The following TBC1D8 variants were observed in gnomAD, a reference collection of about 807,000 sequenced individuals.
TBC1D8 encodes the protein TBC1 domain family member 8.
Under a neutral mutation model 118.8 loss-of-function variants are expected in TBC1D8, and 65 were observed. That is an observed-to-expected ratio of 0.55 (90% CI 0.45 to 0.67). TBC1D8 has a LOEUF of 0.67. Ranked by LOEUF, TBC1D8 falls within the 30% of genes least tolerant of loss-of-function variation. TBC1D8 has a pLI of 0.00. For synonymous variants in TBC1D8, 566 were observed against 595.8 expected (o/e 0.95, Z 0.73); for missense variants, 1,376 against 1,471.2 (o/e 0.94, Z 1.06).
intron 5 of TBC1D8, among the ~76,000 whole-genome samples, chr2:101,047,245 T>A (rs1681766919): frequency 6.6e-6 from 1 of 152,058 alleles, no homozygotes; most frequent in South Asian, 2.1e-4. Flanking sequence ...AGGGTGACAA[T>A]GCACCCCCTA....
chr2:101,129,708 A>G (rs1037274552), intron 1 of TBC1D8, among the ~76,000 whole-genome samples: 1 of 151,804 alleles, frequency 6.6e-6, no homozygotes, highest in Non-Finnish European at 1.5e-5. Flanking sequence ...GATCGAGACC[A>G]TCCTGGCTAA....
chr2:101,030,628 C>T (rs1312360196), intron 11 of TBC1D8, among the ~76,000 whole-genome samples: 1 of 152,214 alleles, frequency 6.6e-6, no homozygotes, highest in Non-Finnish European at 1.5e-5. Context: ...TACATCTAAC[C>T]TATGACCCCA....
chr2:101,090,378 G>C lies in TBC1D8; in HGVS notation c.128-14C>G, dbSNP rs368967869. 6.2e-7 allele frequency: 1 copy of C among 1,613,500 alleles called. No homozygotes were observed. Among genetic ancestry groups the C allele is most frequent in the African/African-American group, 1.3e-5 (1 of 74,872 alleles). On this transcript the variant is annotated splice_polypyrimidine_tract_variant and intron_variant, in intron 1 of 19. Transcript: ENST00000409318. ...CGACCAGGCGACCTTCAAAAGAAAA[G>C]AGAAGAAAGTGCACCTGTGAGCATG...
chr2:101,076,663 G>A (rs1030232458), intron 2 of TBC1D8, among the ~76,000 whole-genome samples: 2 of 152,144 alleles, frequency 1.3e-5, no homozygotes, highest in Non-Finnish European at 2.9e-5. Flanking sequence ...AAGAGGGATG[G>A]GGAGGAAGAG....
At chr2:101,037,301 G>A (rs1363443758) in intron 8 of TBC1D8, among the ~76,000 whole-genome samples, 1 of 152,336 alleles carries the variant, frequency 6.6e-6, no homozygotes, top group Middle Eastern at 3.4e-3. Flanking sequence ...AGCTCCGCAG[G>A]CCCCACAGCT....
chr2:101,134,136 A>AAAT (rs1250370070), intron 1 of TBC1D8, among the ~76,000 whole-genome samples: 1 of 151,922 alleles, frequency 6.6e-6, no homozygotes, highest in Non-Finnish European at 1.5e-5. Flanking sequence ...GGGGGGACAT[A>AAAT]AATATTCACA....
chr2:101,007,671 G>T lies in TBC1D8; in HGVS notation c.*150C>A. 1 of 763,098 alleles carries T rather than the reference G, an allele frequency of 1.3e-6. No individual in the cohort carries two copies. 47.3% of individuals were successfully genotyped at this position (763,098 alleles called of 1,614,324 possible). On this transcript the variant is annotated 3_prime_UTR_variant, in exon 20 of 20. Coordinates refer to ENST00000409318, the MANE Select transcript of TBC1D8 (RefSeq NM_001330348.2). Reference sequence around the variant, plus strand: ...CATAGAAATGCTTGAGGGTTGTGTCGGTTCCCCTGGCCACAGTTTGTCAGG... The same window carrying T: ...CATAGAAATGCTTGAGGGTTGTGTCTGTTCCCCTGGCCACAGTTTGTCAGG...
chr2:101,068,858 G>A (rs1323665906), intron 2 of TBC1D8, among the ~76,000 whole-genome samples: 1 of 152,094 alleles, frequency 6.6e-6, no homozygotes, highest in Non-Finnish European at 1.5e-5. Flanking sequence ...AATTAGCTGA[G>A]CGTGGTGGTG....
In TBC1D8 at chr2:101,049,368, A is replaced by G. The variant is rs114724827; in HGVS notation, c.872+1033T>C. ...TTAGTGAGGCATATTTCTGATGACG[A>G]AGTGGTACCAAAAATAGGTCCAGCT... On this transcript the variant is annotated intron_variant, in intron 5 of 19. Transcript: ENST00000409318. 3.3e-3 allele frequency among the ~76,000 whole-genome samples: 504 copies of G among 152,324 alleles called. 3 individuals are homozygous for G. The highest frequency in any genetic ancestry group is 0.012 in the African/African-American group (481 of 41,572).
At chr2:101,029,147 G>A (rs1445468297) in intron 12 of TBC1D8, among the ~76,000 whole-genome samples, 1 of 152,188 alleles carries the variant, frequency 6.6e-6, no homozygotes, top group Non-Finnish European at 1.5e-5. Flanking sequence ...CCAGCACTCT[G>A]GGAGGCCGAG....
chr2:101,097,765 G>T (rs1236505035), intron 1 of TBC1D8, among the ~76,000 whole-genome samples: 2 of 152,126 alleles, frequency 1.3e-5, no homozygotes, highest in Admixed American at 1.3e-4. Flanking sequence ...CTACTTAAAA[G>T]GTTGAGGTGA....
Position 101,038,494 on chromosome 2 carries a change from G to A in TBC1D8, c.1242C>T (p.Pro414=), listed in dbSNP as rs572068367. The change falls in exon 7 of 20, where the codon CCC becomes CCT. Residue 414 remains proline, a synonymous_variant. Coordinates refer to ENST00000409318, the MANE Select transcript of TBC1D8 (RefSeq NM_001330348.2). ...ARLKQVHANH[P]VHYDTSADDD... ...CATCCGCAGAGGTGTCGTAGTGCAC[G>A]GGGTGGTTGGCGTGGACCTGCTTCA... The A allele has an allele frequency of 1.3e-4, 212 of 1,613,794 alleles. No homozygotes were observed. Among genetic ancestry groups the A allele is most frequent in the Non-Finnish European group, 1.6e-4 (186 of 1,179,890 alleles).
chr2:101,008,450 A>G (rs1367366840), intron 19 of TBC1D8, among the ~76,000 whole-genome samples, 177 bp from the exon 20 acceptor site: 2 of 152,182 alleles, frequency 1.3e-5, no homozygotes, highest in East Asian at 3.9e-4. Flanking sequence ...ATTCCTGGGA[A>G]TTTCAGCACA....
intron 1 of TBC1D8, among the ~76,000 whole-genome samples, chr2:101,126,264 C>T (rs1250615539): frequency 6.6e-6 from 1 of 152,162 alleles, no homozygotes; most frequent in Non-Finnish European, 1.5e-5. Flanking sequence ...CATTCATAAA[C>T]GATCCACTCC....
intron 1 of TBC1D8, among the ~76,000 whole-genome samples, chr2:101,120,806 G>C (rs1002387541): frequency 6.6e-6 from 1 of 152,158 alleles, no homozygotes. Flanking sequence ...TCACAACCAC[G>C]GGCTAGGGAC....
intron 5 of TBC1D8, among the ~76,000 whole-genome samples, chr2:101,046,996 T>C (rs139037930): frequency 2.8e-4 from 43 of 152,358 alleles, no homozygotes; most frequent in African/African-American, 9.6e-4. Flanking sequence ...ACACTTTTTT[T>C]CACCCCACCA....
At chr2:101,073,113 T>G (rs1317764223) in intron 2 of TBC1D8, among the ~76,000 whole-genome samples, 1 of 149,786 alleles carries the variant, frequency 6.7e-6, no homozygotes, top group Non-Finnish European at 1.5e-5. Flanking sequence ...CAGTGAGTAC[T>G]GGCTTCAACT....
At chr2:101,121,527 T>C (rs2104234152) in intron 1 of TBC1D8, among the ~76,000 whole-genome samples, 1 of 152,340 alleles carries the variant, frequency 6.6e-6, no homozygotes, top group South Asian at 2.1e-4. Flanking sequence ...GATGGTGCCT[T>C]CTAGAGCTGT....
intron 1 of TBC1D8, among the ~76,000 whole-genome samples, chr2:101,132,895 TG>T (rs1278070585): frequency 6.6e-6 from 1 of 152,020 alleles, no homozygotes; most frequent in African/African-American, 2.4e-5. Flanking sequence ...CCACTGTTTC[TG>T]TTTTTACTTT....
Sources: allele counts gnomAD v4.1 joint callset (sites outside exome capture counted in the v4.1 genomes callset), GRCh38; gene constraint gnomAD v4.1.1; transcripts MANE v1.5; gene names NCBI Gene and HGNC (gene_info 2026-07-23, HGNC 2026-07-21).